The following NRXN3 variants were observed in gnomAD, a reference collection of about 807,000 sequenced individuals.
The protein encoded by NRXN3 is neurexin 3, also known as neurexin III.
In NRXN3, 32 loss-of-function variants were observed where a neutral mutation model predicts 137.6. The ratio of observed to expected loss-of-function variants is 0.23; its 90% CI spans 0.18 to 0.31. NRXN3 has a LOEUF of 0.31. NRXN3 is among the 10% of genes least tolerant of loss of function. The pLI, the probability that NRXN3 is intolerant of heterozygous loss-of-function variation, is 1.00. For missense variants in NRXN3, 1,574 were observed against 2,062.5 expected, an observed-to-expected ratio of 0.76 and a Z score of 4.59; for synonymous variants, 798 against 784.5, an observed-to-expected ratio of 1.02 and a Z score of -0.29.
intron 15 of NRXN3, among the ~76,000 whole-genome samples, chr14:79,182,792 A>G (rs1164052888): frequency 6.6e-6 from 1 of 152,250 alleles, no homozygotes; most frequent in African/African-American, 2.4e-5. Context: ...TAATTACACA[A>G]TAAATTACTT....
At chr14:79,543,054 T>G (rs1023316157) in intron 16 of NRXN3, among the ~76,000 whole-genome samples, 2 of 152,132 alleles carry the variant, frequency 1.3e-5, no homozygotes, top group African/African-American at 4.8e-5. Flanking sequence ...AACTTATAAT[T>G]AGCCTGCGAT....
chr14:79,464,822 C>T (rs1042253282), intron 15 of NRXN3, among the ~76,000 whole-genome samples: 1 of 152,156 alleles, frequency 6.6e-6, no homozygotes, highest in Non-Finnish European at 1.5e-5. Flanking sequence ...AATTGAGTCT[C>T]TGTTTCCAAA....
intron 10 of NRXN3, among the ~76,000 whole-genome samples, chr14:78,944,009 T>C (rs777561732): frequency 2.9e-4 from 44 of 152,062 alleles, no homozygotes; most frequent in Non-Finnish European, 5.7e-4. Flanking sequence ...ATTCCAGAGT[T>C]TCCTTGTGAG....
At chr14:79,674,591 T>C (rs529290722) in intron 17 of NRXN3, among the ~76,000 whole-genome samples, 1 of 152,102 alleles carries the variant, frequency 6.6e-6, no homozygotes, top group East Asian at 1.9e-4. Context: ...GGTTGCCCAC[T>C]CCACTTTTCC....
intron 15 of NRXN3, among the ~76,000 whole-genome samples, chr14:79,244,558 G>A (rs572352245): frequency 2.2e-4 from 33 of 152,136 alleles, no homozygotes; most frequent in African/African-American, 7.0e-4. Flanking sequence ...TCCCATGAGC[G>A]GTAGAGGTTT....
intron 16 of NRXN3, among the ~76,000 whole-genome samples, chr14:79,561,417 A>T (rs1356777711): frequency 6.6e-6 from 1 of 152,166 alleles, no homozygotes; most frequent in Non-Finnish European, 1.5e-5. Context: ...AGCTATTTAA[A>T]TATATCTGTG....
chr14:78,737,575 A>C (rs567205289), intron 8 of NRXN3, among the ~76,000 whole-genome samples: 1 of 152,004 alleles, frequency 6.6e-6, no homozygotes, highest in South Asian at 2.1e-4. Flanking sequence ...CTCTCATCCC[A>C]GTCCTCAGGT....
At chr14:79,521,747 G>A (rs17836166) in intron 16 of NRXN3, among the ~76,000 whole-genome samples, 6,329 of 152,106 alleles carry the variant, frequency 0.042, 147 homozygotes, top group Middle Eastern at 0.068. Context: ...CTGGTCTTCA[G>A]CATATTATTC....
chr14:78,541,924 G>T (rs1040463412), intron 4 of NRXN3, among the ~76,000 whole-genome samples: 2 of 152,246 alleles, frequency 1.3e-5, no homozygotes, highest in African/African-American at 4.8e-5. Context: ...TCAAGACCAT[G>T]TTTGCCTGGG....
chr14:78,452,493 T>G (rs1378075154), intron 4 of NRXN3, among the ~76,000 whole-genome samples: 1 of 152,196 alleles, frequency 6.6e-6, no homozygotes, highest in African/African-American at 2.4e-5. Flanking sequence ...TTTCATGCCT[T>G]AGGACTCCCA....
intron 6 of NRXN3, among the ~76,000 whole-genome samples, chr14:78,686,475 A>C (rs1183316269): frequency 6.6e-6 from 1 of 152,192 alleles, no homozygotes; most frequent in East Asian, 1.9e-4. Flanking sequence ...ATTGGAAAAG[A>C]AGACGCCTCC....
chr14:79,741,453 G>A (rs1603458785), intron 19 of NRXN3, among the ~76,000 whole-genome samples: 1 of 41,308 alleles, frequency 2.4e-5, no homozygotes, highest in South Asian at 8.2e-4. Flanking sequence ...GTTGAAATAT[G>A]TGTGTGTGTG....
chr14:79,039,576 G>A (rs1486812111), intron 15 of NRXN3, among the ~76,000 whole-genome samples: 4 of 152,112 alleles, frequency 2.6e-5, no homozygotes, highest in African/African-American at 9.7e-5. Flanking sequence ...GAGATAAAAA[G>A]TTGTCCGTCT....
At chr14:78,282,332 G>A (rs1482661163) in intron 3 of NRXN3, 3 of 353,528 alleles carry the variant, frequency 8.5e-6, no homozygotes, top group African/African-American at 4.3e-5. Flanking sequence ...AGAGCACAGG[G>A]AACAATTCTG....
intron 4 of NRXN3, among the ~76,000 whole-genome samples, chr14:78,299,571 G>A (rs983234839): frequency 2.0e-5 from 3 of 152,016 alleles, no homozygotes; most frequent in South Asian, 4.1e-4. Flanking sequence ...ATAGTGGCTT[G>A]GAGAACTGAG....
At chr14:78,871,495 A>G (rs1272191174) in intron 10 of NRXN3, among the ~76,000 whole-genome samples, 1 of 152,132 alleles carries the variant, frequency 6.6e-6, no homozygotes, top group Non-Finnish European at 1.5e-5. Context: ...TTGGGTTAAT[A>G]TAAGTCTTTA....
chr14:78,539,159 CT>C (rs1325457944), intron 4 of NRXN3, among the ~76,000 whole-genome samples: 1 of 152,152 alleles, frequency 6.6e-6, no homozygotes, highest in Non-Finnish European at 1.5e-5. Flanking sequence ...CCCTCTTTTT[CT>C]ATTGATTGGA....
intron 1 of NRXN3, among the ~76,000 whole-genome samples, chr14:78,229,525 G>T (rs2065101639): frequency 6.6e-6 from 1 of 152,030 alleles, no homozygotes; most frequent in South Asian, 2.1e-4. Flanking sequence ...CTTCCAGGAG[G>T]GGCATCTGTG....
rs79301920 is a variant in NRXN3, at chr14:78,666,857, T to C, written c.1221+15531T>C. Among the ~76,000 whole-genome samples the C allele has an allele frequency of 8.5e-3, 1,289 of 152,294 alleles. 25 individuals carry two copies. Among genetic ancestry groups the C allele is most frequent in the African/African-American group, 0.03 (1,237 of 41,566 alleles). Reference sequence around the variant, plus strand: ...ATCCAGTGCCCAGCAAAGCATGTCTTCTTCAGCCTCCCACTCAAGGCCTTC... The same window carrying C: ...ATCCAGTGCCCAGCAAAGCATGTCTCCTTCAGCCTCCCACTCAAGGCCTTC... On this transcript the variant is annotated intron_variant, in intron 6 of 20. Transcript: ENST00000335750.
Sources: allele counts gnomAD v4.1 joint callset (sites outside exome capture counted in the v4.1 genomes callset), GRCh38; gene constraint gnomAD v4.1.1; transcripts MANE v1.5; gene names NCBI Gene and HGNC (gene_info 2026-07-23, HGNC 2026-07-21).